TTN: variants seen among roughly 807,000 people sequenced by gnomAD.
The protein encoded by TTN is connectin.
A neutral mutation model predicts 3,223.0 loss-of-function variants in TTN; 1,525 were observed. The ratio of observed to expected loss-of-function variants is 0.47; its 90% confidence interval spans 0.45 to 0.49. The LOEUF (loss-of-function observed/expected upper bound fraction) is 0.49, where lower values mean the gene tolerates loss of function less well. TTN is among the 20% of genes least tolerant of loss of function. The pLI is 0.00. For missense variants in TTN, 40,786 were observed against 43,424.0 expected (o/e 0.94, Z 5.40); for synonymous variants, 14,094 against 15,161.0 (o/e 0.93, Z 5.17).
Position 178,558,075 on chromosome 2 carries a change from G to T in TTN, c.87279C>A (p.Thr29093=). Residue 29093 remains threonine (T), a synonymous_variant, in exon 328 of 363, where the codon ACC becomes ACA. Coordinates refer to ENST00000589042, the MANE Select transcript of TTN (RefSeq NM_001267550.2). ...VPLKATMRFN[T]EITAENLTIN... is the part of the protein sequence containing the mutation. ...TGGTCAGGTTCTCAGCAGTAATTTCGGTATTAAATCTCATGGTTGCCTTAA... is the reference window on the plus strand; with the variant it reads ...TGGTCAGGTTCTCAGCAGTAATTTCTGTATTAAATCTCATGGTTGCCTTAA... The T allele has an allele frequency of 6.2e-7, 1 of 1,613,776 alleles. No homozygotes were observed. Among genetic ancestry groups the T allele is most frequent in the Non-Finnish European group, 8.5e-7 (1 of 1,179,832 alleles).
At chr2:178,748,663 A>G in intron 47 of TTN, 1 of 1,612,954 alleles carries the variant, frequency 6.2e-7, no homozygotes, top group East Asian at 2.2e-5. Flanking sequence ...TTTGAGTGTG[A>G]AACTGCTTTA....
Position 178,539,693 on chromosome 2 carries a change from C to G in TTN, c.98372G>C (p.Arg32791Thr). 6.2e-7 allele frequency: 1 copy of G among 1,613,736 alleles called. No homozygotes were observed. The highest frequency in any genetic ancestry group is 8.5e-7 in the Non-Finnish European group (1 of 1,179,804). The change falls in exon 352 of 363, where the codon AGG becomes ACG. Residue 32791 changes from arginine to threonine, a missense_variant. Coordinates refer to ENST00000589042, the MANE Select transcript of TTN (RefSeq NM_001267550.2). Reference sequence around the variant, plus strand: ...TGGACTGTTGGGACTTCCTATCACCCTGACCTTGATGTAGACAGCCTTCTT... The same window carrying G: ...TGGACTGTTGGGACTTCCTATCACCGTGACCTTGATGTAGACAGCCTTCTT... ...CGKKAVYIKV[R>T]VIGSPNSPEG... is the part of the protein sequence containing the mutation.
chr2:178,787,019 C>T (rs16866534), intron 13 of TTN, among the ~76,000 whole-genome samples: 2,992 of 152,168 alleles, frequency 0.02, 99 homozygotes, highest in African/African-American at 0.068. Context: ...CTATGTGATA[C>T]TTGGAAACAG....
At chr2:178,615,281 A>G in intron 259 of TTN, 26 bp downstream of exon 259, 1 of 1,611,118 alleles carries the variant, frequency 6.2e-7, no homozygotes, top group South Asian at 1.1e-5. Flanking sequence ...GTACACATTT[A>G]CTCTCATGCC....
Position 178,534,409 on chromosome 2 carries a change from T to C in TTN, c.102206A>G (p.Gln34069Arg), listed in dbSNP as rs780466011. The C allele has an allele frequency of 1.9e-6, 3 of 1,611,500 alleles. No homozygotes were observed. The highest frequency in any genetic ancestry group is 2.5e-6 in the Non-Finnish European group (3 of 1,179,826). The stretch of plus-strand genomic sequence containing the variant: ...TATCTTCTGCTTCAACCATGGGTGC[T>C]GGAGAGCCTCCGATGCTGTCATGCG... ...KSRMTASEAL[Q>R]HPWLKQKIER... Residue 34069 changes from glutamine to arginine, a missense_variant, in exon 358 of 363, where the codon CAG (glutamine) becomes CGG (arginine). Coordinates refer to ENST00000589042, the MANE Select transcript of TTN (RefSeq NM_001267550.2).
chr2:178,663,854 G>T lies in TTN; in HGVS notation c.36413C>A (p.Ala12138Asp), dbSNP rs774711737. The stretch of plus-strand genomic sequence containing the variant: ...TGGGACTTCAGGCTCTTTAGGAGGA[G>T]CCAAGGGCACTTTCTCTTCGCGGAT... ...EVIREEKVPLAPPKEPEVPPV... is the reference protein window; with the variant it reads ...EVIREEKVPLDPPKEPEVPPV... The change falls in exon 170 of 363, where the codon GCT becomes GAT. Residue 12138 changes from alanine (A) to aspartate (D), a missense_variant. Coordinates refer to ENST00000589042, the MANE Select transcript of TTN (RefSeq NM_001267550.2). The T allele has an allele frequency of 1.2e-6, 2 of 1,612,872 alleles. No individual in the cohort carries two copies. Among genetic ancestry groups the T allele is most frequent in the Non-Finnish European group, 1.7e-6 (2 of 1,179,700 alleles).
chr2:178,786,037 A>G lies in TTN; in HGVS notation c.2181T>C (p.Tyr727=), dbSNP rs1280105872. ...PREPGHLEES[Y]AQQTTLEYGY... Reference sequence around the variant, plus strand: ...CGTACTCCAAAGTGGTCTGCTGAGCATAGGATTCTTCAAGATGCCCAGGCT... The same window carrying G: ...CGTACTCCAAAGTGGTCTGCTGAGCGTAGGATTCTTCAAGATGCCCAGGCT... The change falls in exon 14 of 363, where the codon TAT becomes TAC. Residue 727 remains tyrosine, a synonymous_variant. Coordinates refer to ENST00000589042, the MANE Select transcript of TTN (RefSeq NM_001267550.2). 3.1e-6 allele frequency: 5 copies of G among 1,614,148 alleles called. No individual in the cohort carries two copies. The highest frequency in any genetic ancestry group is 2.7e-5 in the African/African-American group (2 of 75,058).
chr2:178,799,419 G>C, intron 6 of TTN, 68 bp downstream of exon 6: 2 of 1,610,660 alleles, frequency 1.2e-6, no homozygotes, highest in South Asian at 2.2e-5. Flanking sequence ...GGGGACAAGG[G>C]AATCTTTCTC....
rs747964050 is a variant in TTN, at chr2:178,527,108, G to A, written c.107880C>T (p.Asp35960=). The A allele has an allele frequency of 8.1e-6, 13 of 1,613,870 alleles. No homozygotes were observed. The highest frequency in any genetic ancestry group is 1.6e-4 in the Middle Eastern group (1 of 6,062). ...TDDLTTLIIM[D]VQKQDGGLYT... is the part of the protein sequence containing the mutation. ...AAAGTCCACCATCTTGTTTCTGTACGTCCATGATGATCAGGGTTGTCAGGT... is the reference window on the plus strand; with the variant it reads ...AAAGTCCACCATCTTGTTTCTGTACATCCATGATGATCAGGGTTGTCAGGT... The change falls in exon 363 of 363, where the codon GAC becomes GAT. Residue 35960 remains aspartate (D), a synonymous_variant. Transcript: ENST00000589042.
In TTN at chr2:178,578,850, C is replaced by A. The variant is rs2047052144; in HGVS notation, c.68180G>T (p.Gly22727Val). 1 of 1,612,922 alleles carries A rather than the reference C, an allele frequency of 6.2e-7. No individual in the cohort carries two copies. Among genetic ancestry groups the A allele is most frequent in the Admixed American group, 1.7e-5 (1 of 59,960 alleles). ...RVSAENKYGV[G>V]EGLKSEPIVA... Reference sequence around the variant, plus strand: ...AATTGGCTCCGATTTCAGGCCTTCCCCTACACCATATTTATTTTCGGCACT... The same window carrying A: ...AATTGGCTCCGATTTCAGGCCTTCCACTACACCATATTTATTTTCGGCACT... Residue 22727 changes from glycine (G) to valine (V), a missense_variant, in exon 320 of 363, where the codon GGG (glycine) becomes GTG (valine). By Grantham distance (109) the Gly-to-Val change is moderately radical. Transcript: ENST00000589042.
In TTN at chr2:178,714,404, G is replaced by A. The variant is rs2077147894; in HGVS notation, c.26370C>T (p.Asn8790=). ...CTCTTGAAAACTGTAAGGTTGCAATGTTTTCTGAATAAGAAATCCATATGT... is the reference window on the plus strand; with the variant it reads ...CTCTTGAAAACTGTAAGGTTGCAATATTTTCTGAATAAGAAATCCATATGT... ...SDNIWISYSE[N]IATLQFSRVE... is the part of the protein sequence containing the mutation. Residue 8790 remains asparagine (N), a synonymous_variant, in exon 91 of 363, where the codon AAC becomes AAT. Transcript: ENST00000589042. 3.1e-6 allele frequency: 5 copies of A among 1,613,636 alleles called. No individual in the cohort carries two copies. The Admixed American group carries it at 6.7e-5, about 22-fold the overall frequency.
At position 178,776,510 on chromosome 2, in the gene TTN, G is replaced by A. The variant is rs397517649; in HGVS notation, c.5354C>T (p.Thr1785Ile). Reference sequence around the variant, plus strand: ...AATAAGGGTAGCAGATGTGTGATCTGTTCCATATTTGTTAGTGGCTCTGCA... The same window carrying A: ...AATAAGGGTAGCAGATGTGTGATCTATTCCATATTTGTTAGTGGCTCTGCA... ...ITCRATNKYG[T>I]DHTSATLIVK... Residue 1785 changes from threonine to isoleucine, a missense_variant, in exon 28 of 363, where the codon ACA becomes ATA. Thr to Ile is a moderately conservative substitution (Grantham distance 89). Coordinates refer to ENST00000589042, the MANE Select transcript of TTN (RefSeq NM_001267550.2). The A allele has an allele frequency of 6.2e-7, 1 of 1,608,916 alleles. No homozygotes were observed. Among genetic ancestry groups the A allele is most frequent in the South Asian group, 1.1e-5 (1 of 91,084 alleles).
rs760337531 is a variant in TTN at position 178,572,073 on chromosome 2, A to G, written c.74059T>C (p.Phe24687Leu). Residue 24687 changes from phenylalanine to leucine, a missense_variant, in exon 326 of 363, where the codon TTC becomes CTC. Transcript: ENST00000589042. The part of the protein sequence containing the change: ...TGLIQGEEYS[F>L]RVSAQNEKGI... ...TTTTCATTCTGAGCTGAAACACGGA[A>G]AGAGTATTCTTCACCCTGAATTAAT... 4 of 1,613,252 alleles carry G rather than the reference A, an allele frequency of 2.5e-6. No individual in the cohort carries two copies. Among genetic ancestry groups the G allele is most frequent in the Non-Finnish European group, 3.4e-6 (4 of 1,179,568 alleles).
At chr2:178,614,004 T>C (rs373642699) in intron 262 of TTN, 48 bp downstream of exon 262, 2 of 1,609,406 alleles carry the variant, frequency 1.2e-6, no homozygotes, top group Admixed American at 1.7e-5. Context: ...AAAATGCAAG[T>C]TTGACATAAG....
At position 178,531,294 on chromosome 2, in the gene TTN, A is replaced by C. The variant is rs1428606068; in HGVS notation, c.105321T>G (p.Ala35107=). ...EHSASAEMKS[A]ALEEKSLEEK... is the part of the protein sequence containing the mutation. ...CTTCCAGTGACTTTTCTTCTAATGC[A>C]GCACTTTTCATTTCTGCAGATGCAG... The change falls in exon 358 of 363, where the codon GCT becomes GCG. Residue 35107 remains alanine, a synonymous_variant. Coordinates refer to ENST00000589042, the MANE Select transcript of TTN (RefSeq NM_001267550.2). 6.2e-7 allele frequency: 1 copy of C among 1,613,992 alleles called. No homozygotes were observed. The highest frequency in any genetic ancestry group is 1.7e-5 in the Admixed American group (1 of 60,022).
At chr2:178,651,996 C>A in intron 204 of TTN, 29 bp from the exon 205 acceptor site, 1 of 1,611,046 alleles carries the variant, frequency 6.2e-7, no homozygotes, top group Non-Finnish European at 8.5e-7. Context: ...ATTTTAATGC[C>A]AGAATTGACT....
chr2:178,797,397 T>C (rs1196552211), intron 6 of TTN, among the ~76,000 whole-genome samples: 1 of 152,172 alleles, frequency 6.6e-6, no homozygotes, highest in Non-Finnish European at 1.5e-5. Context: ...ATTGGACTTT[T>C]ACATTGCCTC....
intron 21 of TTN, 132 bp from the exon 22 acceptor site, chr2:178,780,337 G>A (rs2092654207): frequency 1.3e-6 from 1 of 745,958 alleles, no homozygotes; most frequent in Non-Finnish European, 2.3e-6. Flanking sequence ...ATCTACTATT[G>A]AAGTGCTCAA....
In TTN at chr2:178,635,658, C is replaced by T. The variant is rs1029116705; in HGVS notation, c.41666G>A (p.Gly13889Glu). 1 of 1,600,530 alleles carries T rather than the reference C, an allele frequency of 6.2e-7. No homozygotes were observed. Among genetic ancestry groups the T allele is most frequent in the Non-Finnish European group, 8.5e-7 (1 of 1,172,974 alleles). Reference protein sequence around the residue: ...PIRDQHVKPKGTAIFACDIAK... With the variant: ...PIRDQHVKPKETAIFACDIAK... ...TATATCACAGGCAAAAATAGCTGTC[C>T]CCTTGGGTTTCACATGCTGGTCTCG... The change falls in exon 227 of 363, where the codon GGG becomes GAG. Residue 13889 changes from glycine (G) to glutamate (E), a missense_variant. Gly to Glu is a moderately conservative substitution (Grantham distance 98, BLOSUM62 -2). Transcript: ENST00000589042.
Sources: gnomAD v4.1 joint callset for allele counts (sites outside exome capture counted in the v4.1 genomes callset) on GRCh38, gnomAD v4.1.1 for gene constraint, MANE v1.5 for transcripts, NCBI Gene and HGNC (gene_info 2026-07-23, HGNC 2026-07-21) for gene names.